Variants in DEF6 observed in about 807,000 individuals in gnomAD.
DEF6 encodes the protein differentially expressed in FDCP 6 homolog.
DEF6 carries 32 observed loss-of-function variants against 80.5 expected under a neutral mutation model. The observed-to-expected ratio is 0.40, with a 90% CI of 0.30 to 0.53. DEF6 has a LOEUF of 0.53. Ranked by LOEUF, DEF6 falls within the 20% of genes least tolerant of loss-of-function variation. The pLI is 0.57. For synonymous variants in DEF6, 300 were observed against 337.9 expected, an observed-to-expected ratio of 0.89 and a Z score of 1.23; for missense variants, 575 against 818.7, an observed-to-expected ratio of 0.70 and a Z score of 3.63.
chr6:35,306,266 T>C (rs1219434856), intron 1 of DEF6, among the ~76,000 whole-genome samples: 1 of 150,834 alleles, frequency 6.6e-6, no homozygotes, highest in East Asian at 2.0e-4. Flanking sequence ...ACCCCAGCAC[T>C]TTGGGAGGCC....
rs150977102 is a variant in DEF6 at position 35,310,578 on chromosome 6, C to T, written c.357C>T (p.Phe119=). 1,834 of 1,614,162 alleles carry T rather than the reference C, an allele frequency of 1.1e-3. 4 individuals carry two copies. The highest frequency in any genetic ancestry group is 3.5e-3 in the South Asian group (318 of 91,088). Reference sequence around the variant, plus strand: ...GTATGCTCTCCAATCAGGATGCCTTCCGCCTCTGGTGCCTCTTCAACTTCC... The same window carrying T: ...GTATGCTCTCCAATCAGGATGCCTTTCGCCTCTGGTGCCTCTTCAACTTCC... ...GNSMLSNQDA[F]RLWCLFNFLS... is the part of the protein sequence containing the mutation. The change falls in exon 3 of 11, where the codon TTC becomes TTT. Residue 119 remains phenylalanine (F), a synonymous_variant. Coordinates refer to ENST00000316637, the MANE Select transcript of DEF6 (RefSeq NM_022047.4).
Position 35,309,703 on chromosome 6 carries a change from A to ACGGGG in DEF6, c.130_131insCGGGG (p.Ile44ThrfsTer56). 6.2e-7 allele frequency: 1 copy of ACGGGG among 1,613,986 alleles called. No homozygotes were observed. Among genetic ancestry groups the ACGGGG allele is most frequent in the Non-Finnish European group, 8.5e-7 (1 of 1,179,984 alleles). The stretch of plus-strand genomic sequence containing the variant: ...CCACAACCTGTACACGGTCCTGCAC[A>ACGGGG]TCCCCCATGACCCCGTGGCCCTGGA... On this transcript the variant is annotated frameshift_variant, in exon 2 of 11. Coordinates refer to ENST00000316637, the MANE Select transcript of DEF6 (RefSeq NM_022047.4). LOFTEE classifies it high-confidence loss of function.
intron 1 of DEF6, among the ~76,000 whole-genome samples, chr6:35,305,435 A>C (rs1265010512): frequency 2.0e-5 from 3 of 152,156 alleles, no homozygotes; most frequent in African/African-American, 7.2e-5. Flanking sequence ...AGCTGCAGTG[A>C]GCAGAAATCG....
Position 35,319,451 on chromosome 6 carries a change from C to A in DEF6, c.1216-73C>A. 8.7e-7 allele frequency: 1 copy of A among 1,146,006 alleles called. No individual in the cohort carries two copies. Among genetic ancestry groups the A allele is most frequent in the Non-Finnish European group, 1.3e-6 (1 of 797,234 alleles). The allele number at this position is 1,146,006 out of a possible 1,614,324, so 71.0% of individuals were successfully genotyped here. ...ACCCCTAGGCAGCTTAGCAACATGC[C>A]CACCCCCTCCTCCTCCGCCCCCACG... is the stretch of plus-strand genomic sequence containing the variant. On this transcript the variant is annotated intron_variant, in intron 7 of 10. Coordinates refer to ENST00000316637, the MANE Select transcript of DEF6 (RefSeq NM_022047.4). This position sits in a 1 kb window ranked among gnomAD's most constrained non-coding sequence, Gnocchi z 4.5.
Position 35,318,143 on chromosome 6 carries a change from T to A in DEF6, c.917-30T>A. 5 of 1,535,396 alleles carry A rather than the reference T, an allele frequency of 3.3e-6. No homozygotes were observed. Among genetic ancestry groups the A allele is most frequent in the Non-Finnish European group, 4.4e-6 (5 of 1,142,840 alleles). On this transcript the variant is annotated intron_variant, in intron 6 of 10. Coordinates refer to ENST00000316637, the MANE Select transcript of DEF6 (RefSeq NM_022047.4). This position sits in a 1 kb window ranked among gnomAD's most constrained non-coding sequence, Gnocchi z 5.1. ...GCCCCTTTCGGGCCGTGTGCGAGGA[T>A]CCTACTGACCCGCTCCCGCTCTTCG...
At chr6:35,310,685 C>G in intron 3 of DEF6, 41 bp downstream of exon 3, 1 of 1,609,700 alleles carries the variant, frequency 6.2e-7, no homozygotes, top group Non-Finnish European at 8.5e-7. Context: ...TCACTTGGGA[C>G]CAGACCTAAG....
Position 35,318,539 on chromosome 6 carries a change from G to A in DEF6, c.1215+68G>A. On this transcript the variant is annotated intron_variant, in intron 7 of 10. Coordinates refer to ENST00000316637, the MANE Select transcript of DEF6 (RefSeq NM_022047.4). The surrounding 1 kb of genome is among the most constrained non-coding windows in gnomAD (Gnocchi z 5.1). ...GGAGGCTGGCCAGGGGCGGAGCGCC[G>A]GGGGCGGGGCCTGGGCAGAGGGCGG... 7.5e-7 allele frequency: 1 copy of A among 1,331,482 alleles called. No individual in the cohort carries two copies. The highest frequency in any genetic ancestry group is 9.6e-7 in the Non-Finnish European group (1 of 1,043,552). The allele number at this position is 1,331,482 out of a possible 1,614,324, so 82.5% of individuals were successfully genotyped here.
Position 35,312,362 on chromosome 6 carries a change from C to T in DEF6, c.484C>T (p.Leu162=). 1 of 1,614,142 alleles carries T rather than the reference C, an allele frequency of 6.2e-7. No homozygotes were observed. Among genetic ancestry groups the T allele is most frequent in the Non-Finnish European group, 8.5e-7 (1 of 1,180,010 alleles). ...GAGCTTGGAGGTGAGCTTGGGTGAG[C>T]TGGAGGAGCTTCTGGCCCAGGAGGC... The part of the protein sequence containing the change: ...SMSLEVSLGE[L]EELLAQEAQV... The change falls in exon 4 of 11, where the codon CTG becomes TTG. Residue 162 remains leucine (L), a synonymous_variant. Transcript: ENST00000316637. The surrounding 1 kb of genome is among the most constrained non-coding windows in gnomAD (Gnocchi z 6.6).
At chr6:35,304,400 A>G (rs747926153) in intron 1 of DEF6, among the ~76,000 whole-genome samples, 5 of 152,236 alleles carry the variant, frequency 3.3e-5, no homozygotes, top group Non-Finnish European at 7.3e-5. Context: ...AAGTAAAAAC[A>G]GGGAGGAGGA....
In DEF6 at chr6:35,312,611, A is replaced by G; in HGVS notation, c.661-15A>G. 6.2e-7 allele frequency: 1 copy of G among 1,614,218 alleles called. No individual in the cohort carries two copies. On this transcript the variant is annotated splice_polypyrimidine_tract_variant and intron_variant, in intron 4 of 10. Coordinates refer to ENST00000316637, the MANE Select transcript of DEF6 (RefSeq NM_022047.4). The surrounding 1 kb of genome is among the most constrained non-coding windows in gnomAD (Gnocchi z 6.6). ...GGGGGGCCTGGGAAGCCTCTGACGT[A>G]ACTCCGGCTGGCAGGGCTACCTGTG...
In DEF6 at chr6:35,319,516, C is replaced by G. The variant is rs1166480746; in HGVS notation, c.1216-8C>G. The G allele has an allele frequency of 1.2e-6, 2 of 1,605,880 alleles. No individual in the cohort carries two copies. The highest frequency in any genetic ancestry group is 1.7e-6 in the Non-Finnish European group (2 of 1,175,386). ...TGGCTCTTGGTCCACCACCTCCCCC[C>G]TCCACAGGCCCGGGCCTCCATGCAG... On this transcript the variant is annotated splice_region_variant and splice_polypyrimidine_tract_variant and intron_variant, in intron 7 of 10. Coordinates refer to ENST00000316637, the MANE Select transcript of DEF6 (RefSeq NM_022047.4). The surrounding 1 kb of genome is among the most constrained non-coding windows in gnomAD (Gnocchi z 4.5).
In DEF6 at chr6:35,309,684, C is replaced by T. The variant is rs781536415; in HGVS notation, c.111C>T (p.Asn37=). The T allele has an allele frequency of 6.2e-7, 1 of 1,613,968 alleles. No homozygotes were observed. Among genetic ancestry groups the T allele is most frequent in the Non-Finnish European group, 8.5e-7 (1 of 1,179,964 alleles). ...CTCTATCCCAGGTGCTGTCCCACAA[C>T]CTGTACACGGTCCTGCACATCCCCC... ...SKSQLKVLSH[N]LYTVLHIPHD... Residue 37 remains asparagine, a synonymous_variant, in exon 2 of 11, where the codon AAC becomes AAT. Transcript: ENST00000316637.
Position 35,297,836 on chromosome 6 carries a change from A to G in DEF6, c.-21A>G. 6.4e-7 allele frequency: 1 copy of G among 1,573,872 alleles called. No individual in the cohort carries two copies. The highest frequency in any genetic ancestry group is 1.2e-5 in the South Asian group (1 of 86,344). On this transcript the variant is annotated 5_prime_UTR_variant, in exon 1 of 11. Coordinates refer to ENST00000316637, the MANE Select transcript of DEF6 (RefSeq NM_022047.4). ...GGATCTTAGTGTCAGAGCCGCCCCC[A>G]GCCGGGCGGGCGCCTCAGCCATGGC...
At position 35,312,183 on chromosome 6, in the gene DEF6, A is replaced by T; in HGVS notation, c.424-119A>T. 2 of 817,910 alleles carry T rather than the reference A, an allele frequency of 2.4e-6. No homozygotes were observed. The highest frequency in any genetic ancestry group is 3.9e-6 in the Non-Finnish European group (2 of 519,102). 50.7% of individuals were successfully genotyped at this position (817,910 alleles called of 1,614,324 possible). A position where few individuals can be genotyped will look rare whatever the true frequency, so the allele number is the denominator to read the frequency against. ...TAACATTCGGTCCTCTGGCCCCCTC[A>T]ACGCTCTGTCCCCTGTTTCCCTCTG... On this transcript the variant is annotated intron_variant, in intron 3 of 10. Transcript: ENST00000316637. This position sits in a 1 kb window ranked among gnomAD's most constrained non-coding sequence, Gnocchi z 6.6.
In DEF6 at chr6:35,321,240, G is replaced by A. The variant is rs1270468201; in HGVS notation, c.1726G>A (p.Ala576Thr). The change falls in exon 11 of 11, where the codon GCC (alanine) becomes ACC (threonine). Residue 576 changes from alanine (A) to threonine (T), a missense_variant. Physicochemically the swap from Ala to Thr is moderately conservative, Grantham distance 58 (BLOSUM62 0). Coordinates refer to ENST00000316637, the MANE Select transcript of DEF6 (RefSeq NM_022047.4). ...SFSGFQPPLL[A>T]HRDSSLKRLT... ...CTCAGGCTTCCAGCCCCCTCTGCTT[G>A]CCCACCGTGACTCCTCCCTAAAGCG... The A allele has an allele frequency of 6.2e-6, 10 of 1,613,202 alleles. No individual in the cohort carries two copies. The highest frequency in any genetic ancestry group is 8.5e-6 in the Non-Finnish European group (10 of 1,179,968).
At chr6:35,303,040 A>G (rs1329349739) in intron 1 of DEF6, among the ~76,000 whole-genome samples, 2 of 151,890 alleles carry the variant, frequency 1.3e-5, no homozygotes, top group East Asian at 3.9e-4. Flanking sequence ...CCCCTCCCCT[A>G]GTCACACCCT....
Position 35,319,515 on chromosome 6 carries a change from C to T in DEF6, c.1216-9C>T, listed in dbSNP as rs200310320. 123 of 1,605,308 alleles carry T rather than the reference C, an allele frequency of 7.7e-5. No individual in the cohort carries two copies. The highest frequency in any genetic ancestry group is 6.6e-5 in the Non-Finnish European group (78 of 1,175,062). On this transcript the variant is annotated splice_polypyrimidine_tract_variant and intron_variant, in intron 7 of 10. Coordinates refer to ENST00000316637, the MANE Select transcript of DEF6 (RefSeq NM_022047.4). This position sits in a 1 kb window ranked among gnomAD's most constrained non-coding sequence, Gnocchi z 4.5. Reference sequence around the variant, plus strand: ...CTGGCTCTTGGTCCACCACCTCCCCCCTCCACAGGCCCGGGCCTCCATGCA... The same window carrying T: ...CTGGCTCTTGGTCCACCACCTCCCCTCTCCACAGGCCCGGGCCTCCATGCA...
Position 35,318,186 on chromosome 6 carries a change from G to T in DEF6, c.930G>T (p.Ala310=). Residue 310 remains alanine, a synonymous_variant, in exon 7 of 11, where the codon GCG becomes GCT. Transcript: ENST00000316637. The surrounding 1 kb of genome is among the most constrained non-coding windows in gnomAD (Gnocchi z 5.1). ...GCTCTTCGGCAGCCATCCAGATGGC[G>T]ATCCGGCTGCAGGCCGAGGGGAAGA... The part of the protein sequence containing the change: ...RQEWTAAIQM[A]IRLQAEGKTS... The T allele has an allele frequency of 6.4e-7, 1 of 1,566,244 alleles. No individual in the cohort carries two copies. The highest frequency in any genetic ancestry group is 8.6e-7 in the Non-Finnish European group (1 of 1,157,866).
chr6:35,320,106 C>T, intron 9 of DEF6, 89 bp downstream of exon 9: 1 of 1,324,670 alleles, frequency 7.5e-7, no homozygotes, highest in Non-Finnish European at 1.0e-6. Flanking sequence ...CCCTCAAACC[C>T]TGGCCCTAGC....
Sources: allele counts gnomAD v4.1 joint callset (sites outside exome capture counted in the v4.1 genomes callset), GRCh38; gene constraint gnomAD v4.1.1; non-coding constraint Gnocchi (gnomAD v3.1); transcripts MANE v1.5; gene names NCBI Gene and HGNC (gene_info 2026-07-23, HGNC 2026-07-21).